Variants in ADSL observed in about 807,000 individuals in gnomAD.
The protein encoded by ADSL is adenylosuccinate lyase.
Under a neutral mutation model 62.1 loss-of-function variants are expected in ADSL, and 44 were observed. The observed-to-expected ratio is 0.71, with a 90% CI of 0.56 to 0.91. The LOEUF is 0.91. Among genes scored for constraint, ADSL ranks in the 40% least tolerant of loss-of-function variants. ADSL has a pLI of 0.00. For missense variants in ADSL, 531 were observed against 627.4 expected, an observed-to-expected ratio of 0.85 and a Z score of 1.64; for synonymous variants, 198 against 220.5, an observed-to-expected ratio of 0.90 and a Z score of 0.90.
At chr22:40,354,028 A>C (rs574643056) in intron 3 of ADSL, 1 of 600,814 alleles carries the variant, frequency 1.7e-6, no homozygotes, top group East Asian at 2.8e-5. Context: ...GTGGTCTTAA[A>C]ATAGTTCATG....
At chr22:40,362,446 G>A (rs1295803038) in intron 9 of ADSL, among the ~76,000 whole-genome samples, 1 of 152,200 alleles carries the variant, frequency 6.6e-6, no homozygotes, top group African/African-American at 2.4e-5. Context: ...CCTAGCAACA[G>A]TTTGGAGAGT....
Position 40,361,529 on chromosome 22 carries a change from G to T in ADSL, c.904G>T (p.Glu302Ter). 6.2e-7 allele frequency: 1 copy of T among 1,614,218 alleles called. No homozygotes were observed. The highest frequency in any genetic ancestry group is 8.5e-7 in the Non-Finnish European group (1 of 1,180,056). Residue 302 changes from glutamate (E) to a stop codon, truncating the protein, a stop_gained, in exon 9 of 13, where the codon GAA (glutamate) becomes TAA (stop). Transcript: ENST00000623063. LOFTEE classifies it high-confidence loss of function. Reference protein sequence around the residue: ...MPYKRNPMRSERCCSLARHLM... With the variant: ...MPYKRNPMRS ...ATATAAGCGGAATCCCATGCGTTCA[G>T]AACGTTGCTGCAGTCTTGCCCGCCA...
At chr22:40,366,406 T>G (rs2045007868) in intron 12 of ADSL, 30 bp from the exon 13 acceptor site, 1 of 1,496,024 alleles carries the variant, frequency 6.7e-7, no homozygotes, top group Admixed American at 1.7e-5. Flanking sequence ...TAACATTTTC[T>G]TTTGTCTTGT....
rs942265348 is a variant in ADSL, at chr22:40,368,255, A to T, written c.*1733A>T. On this transcript the variant is annotated 3_prime_UTR_variant, in exon 13 of 13. Transcript: ENST00000623063. ...CCACTGAGATTAGCAACCTACACTC[A>T]ATCCCCCAGGTCAGGCAGAAGCTGG... 3.9e-5 allele frequency: 6 copies of T among 152,204 alleles called. No individual in the cohort carries two copies. The highest frequency in any genetic ancestry group is 1.4e-4 in the African/African-American group (6 of 41,442). 9.4% of individuals were successfully genotyped at this position (152,204 alleles called of 1,614,324 possible).
At chr22:40,360,034 C>T (rs1249413125) in intron 6 of ADSL, among the ~76,000 whole-genome samples, 1 of 152,124 alleles carries the variant, frequency 6.6e-6, no homozygotes, top group Non-Finnish European at 1.5e-5. Context: ...GGGCTGTGGC[C>T]AGACATGGGC....
chr22:40,380,675 C>A (rs937109505), intron 2 of ADSL, among the ~76,000 whole-genome samples: 1 of 152,180 alleles, frequency 6.6e-6, no homozygotes, highest in African/African-American at 2.4e-5. Context: ...CTGGCTCACA[C>A]CTGTAATCCC....
At chr22:40,374,481 C>G (rs1445883531) in intron 2 of ADSL, among the ~76,000 whole-genome samples, 1 of 152,202 alleles carries the variant, frequency 6.6e-6, no homozygotes, top group African/African-American at 2.4e-5. Flanking sequence ...GCTACAATTT[C>G]TTCTTTGTAA....
At chr22:40,360,729 T>TTC (rs1262569264) in intron 7 of ADSL, among the ~76,000 whole-genome samples, 1 of 151,260 alleles carries the variant, frequency 6.6e-6, no homozygotes, top group Admixed American at 6.6e-5. Context: ...AATTAATCTT[T>TTC]TTTTTTTTTC....
At chr22:40,381,120 A>G (rs1214763685) in intron 2 of ADSL, among the ~76,000 whole-genome samples, 1 of 152,150 alleles carries the variant, frequency 6.6e-6, no homozygotes, top group East Asian at 1.9e-4. Context: ...ATAAGCCATC[A>G]GAAAAGAGGT....
Position 40,357,133 on chromosome 22 carries a change from T to C in ADSL, c.483-1731T>C, listed in dbSNP as rs1208650193. 2.0e-5 allele frequency among the ~76,000 whole-genome samples: 3 copies of C among 152,148 alleles called. No individual in the cohort carries two copies. In the East Asian group the frequency reaches 5.8e-4, roughly 29 times the overall value. On this transcript the variant is annotated intron_variant, in intron 4 of 12. Coordinates refer to ENST00000623063, the MANE Select transcript of ADSL (RefSeq NM_000026.4). The stretch of plus-strand genomic sequence containing the variant: ...CTGGTCTCAAACTCCTGGCTTCAAG[T>C]GATCCACCTGCCTCGGCCTCCCAAA...
intron 10 of ADSL, 87 bp from the exon 11 acceptor site, chr22:40,364,189 C>T: frequency 1.0e-6 from 1 of 972,402 alleles, no homozygotes; most frequent in South Asian, 1.4e-5. Context: ...AGTGTCTGTG[C>T]TGTGCATTTT....
intron 4 of ADSL, among the ~76,000 whole-genome samples, chr22:40,357,660 A>G (rs994007462): frequency 2.6e-5 from 4 of 152,188 alleles, no homozygotes; most frequent in African/African-American, 9.7e-5. Context: ...TCCTCACTGG[A>G]TCTTGACTCC....
intron 2 of ADSL, 158 bp downstream of exon 2, chr22:40,350,193 G>A (rs548901553): frequency 6.3e-5 from 43 of 680,040 alleles, no homozygotes; most frequent in South Asian, 7.6e-5. Flanking sequence ...GCAGTGGCAC[G>A]GCTCACTGCA....
At chr22:40,352,000 T>C (rs2044364893) in intron 2 of ADSL, 1 of 152,154 alleles carries the variant, frequency 6.6e-6, no homozygotes, top group African/African-American at 2.4e-5. Flanking sequence ...AAAGGCATCT[T>C]TGTGTAACTG....
At chr22:40,356,210 AAAAG>A (rs1158719863) in intron 4 of ADSL, among the ~76,000 whole-genome samples, 41 of 150,762 alleles carry the variant, frequency 2.7e-4, no homozygotes, top group African/African-American at 9.5e-4. Context: ...TCAAAAAAAA[AAAAG>A]AAAAGAAAGA....
downstream of ADSL, among the ~76,000 whole-genome samples, chr22:40,372,047 C>T (rs2045613301): frequency 6.6e-6 from 1 of 151,224 alleles, no homozygotes; most frequent in African/African-American, 2.4e-5. Context: ...TTTGATAATC[C>T]TAAGTGAATG....
intron 2 of ADSL, among the ~76,000 whole-genome samples, chr22:40,382,334 T>C (rs1376815810): frequency 6.6e-6 from 1 of 152,114 alleles, no homozygotes; most frequent in Non-Finnish European, 1.5e-5. Flanking sequence ...GCTGGGGGAT[T>C]GGTTGTTGGT....
chr22:40,350,524 TATAAA>T (rs1020705963), intron 2 of ADSL, among the ~76,000 whole-genome samples: 1 of 152,226 alleles, frequency 6.6e-6, no homozygotes, highest in African/African-American at 2.4e-5. Flanking sequence ...AAATGACCTC[TATAAA>T]ATAAGACCTA....
In ADSL at chr22:40,366,636, T is replaced by C. The variant is rs1601602323; in HGVS notation, c.*114T>C. ...GTTACCTTAAATTAGTACAGCACTTTCTTCTTCCCATGGTGCTTTCCTGTT... is the reference window on the plus strand; with the variant it reads ...GTTACCTTAAATTAGTACAGCACTTCCTTCTTCCCATGGTGCTTTCCTGTT... On this transcript the variant is annotated 3_prime_UTR_variant, in exon 13 of 13. Transcript: ENST00000623063. The C allele has an allele frequency of 1.3e-6, 1 of 780,234 alleles. No individual in the cohort carries two copies. The highest frequency in any genetic ancestry group is 2.0e-5 in the Admixed American group (1 of 49,914). The allele number at this position is 780,234 out of a possible 1,614,324, so 48.3% of individuals were successfully genotyped here.
Sources: allele counts gnomAD v4.1 joint callset (sites outside exome capture counted in the v4.1 genomes callset), GRCh38; gene constraint gnomAD v4.1.1; transcripts MANE v1.5; gene names NCBI Gene and HGNC (gene_info 2026-07-23, HGNC 2026-07-21).